The following MESD variants were observed in gnomAD, a reference collection of about 807,000 sequenced individuals.
MESD encodes LRP chaperone MESD.
In MESD, 7 loss-of-function variants were observed where a neutral mutation model predicts 12.9. The ratio of observed to expected loss-of-function variants is 0.54; its 90% confidence interval spans 0.31 to 1.02. The LOEUF is 1.02. Ranked by LOEUF, MESD falls within the 50% of genes least tolerant of loss-of-function variation. The pLI, the probability that MESD is intolerant of heterozygous loss-of-function variation, is 0.05. For synonymous variants in MESD, 126 were observed against 115.6 expected (o/e 1.09, Z -0.58); for missense variants, 342 against 296.7 (o/e 1.15, Z -1.12).
In MESD at chr15:80,977,460, CAAT is replaced by C. The variant is rs1475770304; in HGVS notation, c.*1756_*1758del. 1 of 152,358 alleles carries C rather than the reference CAAT, an allele frequency of 6.6e-6. No individual in the cohort carries two copies. The highest frequency in any genetic ancestry group is 1.5e-5 in the Non-Finnish European group (1 of 68,176). 9.4% of individuals were successfully genotyped at this position (152,358 alleles called of 1,614,324 possible). A position where few individuals can be genotyped will look rare whatever the true frequency, so the allele number is the denominator to read the frequency against. On this transcript the variant is annotated 3_prime_UTR_variant, in exon 3 of 3. Coordinates refer to ENST00000261758, the MANE Select transcript of MESD (RefSeq NM_015154.3). The stretch of plus-strand genomic sequence containing the variant: ...AAGTGGGGGCACACTGCACAGGAAA[CAAT>C]GAGACAGATCTGCACATTCTGACAT...
At chr15:80,955,183 T>C (rs1054627237) in intron 3 of MESD, among the ~76,000 whole-genome samples, 1 of 150,804 alleles carries the variant, frequency 6.6e-6, no homozygotes, top group African/African-American at 2.4e-5. Context: ...AACCAGGAGC[T>C]GGTTAGAAAT....
intron 2 of MESD, 34 bp from the exon 3 acceptor site, chr15:80,979,511 C>A (rs375768974): frequency 5.0e-6 from 8 of 1,605,942 alleles, no homozygotes; most frequent in African/African-American, 1.3e-5. Flanking sequence ...TCAGCCAGCA[C>A]GTACTAGTAA....
chr15:80,960,694 T>C (rs1902069741), intron 3 of MESD, among the ~76,000 whole-genome samples: 1 of 152,224 alleles, frequency 6.6e-6, no homozygotes, highest in African/African-American at 2.4e-5. Context: ...CATAAAATTA[T>C]TGAAACTCTA....
At chr15:80,953,900 A>G (rs1901908490) in intron 3 of MESD, among the ~76,000 whole-genome samples, 1 of 152,168 alleles carries the variant, frequency 6.6e-6, no homozygotes, top group Admixed American at 6.5e-5. Context: ...CCATACCCAC[A>G]GGCACACAGG....
chr15:80,975,373 A>G (rs1471311158), downstream of MESD, among the ~76,000 whole-genome samples: 1 of 152,088 alleles, frequency 6.6e-6, no homozygotes, highest in Non-Finnish European at 1.5e-5. Flanking sequence ...TGAGACAGCA[A>G]GAGACCCTGT....
At chr15:80,946,836 C>T (rs1901576046), downstream of MESD, 1 of 716,614 alleles carries the variant, frequency 1.4e-6, no homozygotes, top group Non-Finnish European at 2.6e-6. Context: ...TGCCCTTTCC[C>T]GAATCCCTGG....
At chr15:80,949,389 T>G in intron 4 of MESD, 1 of 255,512 alleles carries the variant, frequency 3.9e-6, no homozygotes, top group Non-Finnish European at 7.8e-6. Flanking sequence ...CTTAAGGAAA[T>G]CTTTACTCCT....
intron 3 of MESD, among the ~76,000 whole-genome samples, chr15:80,963,769 A>AAATTCACC (rs1328395348): frequency 6.6e-6 from 1 of 152,222 alleles, no homozygotes; most frequent in African/African-American, 2.4e-5. Flanking sequence ...GCCTTCGAGA[A>AAATTCACC]AATTCACCAG....
intron 1 of MESD, 122 bp downstream of exon 1, chr15:80,989,457 T>C (rs1030179717): frequency 1.7e-5 from 20 of 1,195,464 alleles, no homozygotes; most frequent in Non-Finnish European, 2.2e-5. Context: ...TCAGTAAGGA[T>C]TCAAGGCATG....
intron 1 of MESD, among the ~76,000 whole-genome samples, chr15:80,989,211 A>G (rs1893227233): frequency 6.6e-6 from 1 of 152,226 alleles, no homozygotes; most frequent in Non-Finnish European, 1.5e-5. Flanking sequence ...TAGATTGGGA[A>G]AGGTCACTCT....
downstream of MESD, among the ~76,000 whole-genome samples, chr15:80,971,131 G>A (rs926566678): frequency 6.6e-6 from 1 of 152,172 alleles, no homozygotes; most frequent in African/African-American, 2.4e-5. Flanking sequence ...GAGAATATTT[G>A]TCAACTGCTA....
downstream of MESD, among the ~76,000 whole-genome samples, chr15:80,971,457 C>G (rs1249150903): frequency 6.6e-6 from 1 of 152,182 alleles, no homozygotes; most frequent in African/African-American, 2.4e-5. Context: ...AATCCTAAGT[C>G]AGTTAATAAG....
intron 3 of MESD, among the ~76,000 whole-genome samples, chr15:80,967,542 C>CA (rs1421290496): frequency 7.2e-5 from 11 of 152,190 alleles, no homozygotes; most frequent in African/African-American, 2.7e-4. Context: ...GTATGGCACT[C>CA]AATGTCGTCC....
intron 3 of MESD, among the ~76,000 whole-genome samples, chr15:80,953,270 T>G (rs554981771): frequency 6.6e-6 from 1 of 152,244 alleles, no homozygotes; most frequent in African/African-American, 2.4e-5. Flanking sequence ...TGTCACTGTG[T>G]GAAAGAGAGC....
In MESD at chr15:80,979,336, T is replaced by C. The variant is rs769635314; in HGVS notation, c.588A>G (p.Gly196=). The part of the protein sequence containing the change: ...EGQVYPGKGG[G]SKEKNKTKQD... ...GCTTTGTTTTATTTTTCTCTTTGCT[T>C]CCTCCTCCTTTGCCGGGGTACACCT... The change falls in exon 3 of 3, where the codon GGA becomes GGG. Residue 196 remains glycine, a synonymous_variant. Coordinates refer to ENST00000261758, the MANE Select transcript of MESD (RefSeq NM_015154.3). 1 of 1,614,198 alleles carries C rather than the reference T, an allele frequency of 6.2e-7. No individual in the cohort carries two copies. The highest frequency in any genetic ancestry group is 1.7e-5 in the Admixed American group (1 of 60,020).
In MESD at chr15:80,979,295, T is replaced by C; in HGVS notation, c.629A>G (p.Lys210Arg). 1.2e-6 allele frequency: 2 copies of C among 1,614,124 alleles called. No homozygotes were observed. Among genetic ancestry groups the C allele is most frequent in the Non-Finnish European group, 1.7e-6 (2 of 1,180,044 alleles). ...KNKTKQDKGK[K>R]KKEGDLKSRS... ...AGATTTCAGATCTCCTTCCTTCTTT[T>C]TTTTGCCCTTGTCTTGCTTTGTTTT... The change falls in exon 3 of 3, where the codon AAA (lysine) becomes AGA (arginine). Residue 210 changes from lysine to arginine, a missense_variant. Coordinates refer to ENST00000261758, the MANE Select transcript of MESD (RefSeq NM_015154.3).
chr15:80,979,120 A>G lies in MESD; in HGVS notation c.*99T>C, dbSNP rs1332359043. On this transcript the variant is annotated 3_prime_UTR_variant, in exon 3 of 3. Coordinates refer to ENST00000261758, the MANE Select transcript of MESD (RefSeq NM_015154.3). ...CCTTTCTAGAAGACACTAGAATGTC[A>G]TCCGGTGTGCAGTTGCCTGAGACCA... is the stretch of plus-strand genomic sequence containing the variant. 4.1e-6 allele frequency: 6 copies of G among 1,468,744 alleles called. No homozygotes were observed. Among genetic ancestry groups the G allele is most frequent in the Non-Finnish European group, 5.5e-6 (6 of 1,090,164 alleles). 91.0% of individuals were successfully genotyped at this position (1,468,744 alleles called of 1,614,324 possible). A position where few individuals can be genotyped will look rare whatever the true frequency, so the allele number is the denominator to read the frequency against.
intron 3 of MESD, among the ~76,000 whole-genome samples, chr15:80,962,422 G>C: frequency 6.6e-6 from 1 of 152,086 alleles, no homozygotes. Context: ...GTCAATATTA[G>C]ACAGATCGAG....
chr15:80,956,050 C>T (rs190459882), intron 3 of MESD, among the ~76,000 whole-genome samples: 27 of 152,106 alleles, frequency 1.8e-4, no homozygotes, highest in African/African-American at 6.3e-4. Flanking sequence ...ATTACCCAGG[C>T]GTGATGGCTC....
Sources: allele counts gnomAD v4.1 joint callset (sites outside exome capture counted in the v4.1 genomes callset), GRCh38; gene constraint gnomAD v4.1.1; transcripts MANE v1.5; gene names NCBI Gene and HGNC (gene_info 2026-07-23, HGNC 2026-07-21).